The following NWD2 variants were observed in gnomAD, a reference collection of about 807,000 sequenced individuals.
NWD2 encodes NACHT and WD repeat domain-containing protein 2.
Under a neutral mutation model 132.7 loss-of-function variants are expected in NWD2, and 37 were observed. The observed-to-expected ratio is 0.28, with a 90% CI of 0.21 to 0.37. The LOEUF (loss-of-function observed/expected upper bound fraction) is 0.37. Among genes scored for constraint, NWD2 ranks in the 10% least tolerant of loss-of-function variants. The probability of loss-of-function intolerance (pLI) is 1.00; values close to 1 mark genes in which losing one functional copy is unlikely to be tolerated. For missense variants in NWD2, 1,592 were observed against 2,122.4 expected, an observed-to-expected ratio of 0.75 and a Z score of 4.91; for synonymous variants, 705 against 803.0, an observed-to-expected ratio of 0.88 and a Z score of 2.06.
chr4:37,445,439 T>G lies in NWD2; in HGVS notation c.3451T>G (p.Leu1151Val). 6.4e-7 allele frequency: 1 copy of G among 1,551,880 alleles called. No homozygotes were observed. The highest frequency in any genetic ancestry group is 8.7e-7 in the Non-Finnish European group (1 of 1,147,030). The change falls in exon 7 of 7, where the codon TTG becomes GTG. Residue 1151 changes from leucine to valine, a missense_variant. Physicochemically the swap from Leu to Val is conservative, Grantham distance 32 (BLOSUM62 1). Around this residue, in one of 7 missense-constraint regions of NWD2, gnomAD observed 1,071 missense variants for 1,398.0 expected, o/e 0.77. Transcript: ENST00000309447. This position sits in a 1 kb window ranked among gnomAD's most constrained non-coding sequence, Gnocchi z 4.7. Reference protein sequence around the residue: ...SGGFVKFLLILDTAQEMVMVD... With the variant: ...SGGFVKFLLIVDTAQEMVMVD... ...TGGATTTGTGAAGTTTCTTCTTATC[T>G]TGGACACAGCTCAGGAAATGGTCAT...
chr4:37,437,843 A>G (rs1183873828), intron 5 of NWD2, among the ~76,000 whole-genome samples: 1 of 152,222 alleles, frequency 6.6e-6, no homozygotes, highest in African/African-American at 2.4e-5. Flanking sequence ...AATACGGTAT[A>G]TGTTAGAAGA....
At chr4:37,379,793 C>A (rs1720416869) in intron 3 of NWD2, among the ~76,000 whole-genome samples, 1 of 152,172 alleles carries the variant, frequency 6.6e-6, no homozygotes, top group East Asian at 1.9e-4. Flanking sequence ...TAGTAGGGGA[C>A]AGATGGGCAC....
chr4:37,439,081 C>T lies in NWD2; in HGVS notation c.987C>T (p.Gly329=). The T allele has an allele frequency of 6.4e-7, 1 of 1,551,762 alleles. No homozygotes were observed. The highest frequency in any genetic ancestry group is 8.7e-7 in the Non-Finnish European group (1 of 1,146,996). Residue 329 remains glycine, a synonymous_variant, in exon 6 of 7, where the codon GGC becomes GGT. Transcript: ENST00000309447. The surrounding 1 kb of genome is among the most constrained non-coding windows in gnomAD (Gnocchi z 4.5). ...TSVTHCDMKL[G]YSQEIENHYI... is the part of the protein sequence containing the mutation. ...TTACTCATTGTGACATGAAACTAGG[C>T]TACTCCCAAGAAATAGAAAATCATT...
In NWD2 at chr4:37,444,329, T is replaced by C; in HGVS notation, c.2341T>C (p.Tyr781His). 1 of 1,551,894 alleles carries C rather than the reference T, an allele frequency of 6.4e-7. No individual in the cohort carries two copies. Among genetic ancestry groups the C allele is most frequent in the Non-Finnish European group, 8.7e-7 (1 of 1,147,036 alleles). ...GAAAGCCTTCTGCCTTGAGGACCCC[T>C]ACTTGAATGGCTGCCTTGACTTGGA... The part of the protein sequence containing the change: ...RRKAFCLEDP[Y>H]LNGCLDLENR... The change falls in exon 7 of 7, where the codon TAC becomes CAC. Residue 781 changes from tyrosine (Y) to histidine (H), a missense_variant. Tyr to His is a moderately conservative substitution (Grantham distance 83). Coordinates refer to ENST00000309447, the MANE Select transcript of NWD2 (RefSeq NM_001144990.2). This position sits in a 1 kb window ranked among gnomAD's most constrained non-coding sequence, Gnocchi z 4.8.
intron 3 of NWD2, among the ~76,000 whole-genome samples, chr4:37,360,607 A>G (rs1479816405): frequency 1.3e-5 from 2 of 152,202 alleles, no homozygotes; most frequent in Non-Finnish European, 2.9e-5. Context: ...AATCATCTTC[A>G]TCACCTTTTA....
Position 37,444,624 on chromosome 4 carries a change from T to A in NWD2, c.2636T>A (p.Leu879Gln). Reference sequence around the variant, plus strand: ...GACAAAGTGCTTTCAGACATTGAGCTGGCTTACAACTACTCGCAAGAGAAG... The same window carrying A: ...GACAAAGTGCTTTCAGACATTGAGCAGGCTTACAACTACTCGCAAGAGAAG... ...QFDKVLSDIE[L>Q]AYNYSQEKEL... The change falls in exon 7 of 7, where the codon CTG becomes CAG. Residue 879 changes from leucine (L) to glutamine (Q), a missense_variant. Coordinates refer to ENST00000309447, the MANE Select transcript of NWD2 (RefSeq NM_001144990.2). The surrounding 1 kb of genome is among the most constrained non-coding windows in gnomAD (Gnocchi z 4.8). 2 of 1,552,176 alleles carry A rather than the reference T, an allele frequency of 1.3e-6. No homozygotes were observed. Among genetic ancestry groups the A allele is most frequent in the Non-Finnish European group, 1.7e-6 (2 of 1,147,100 alleles).
chr4:37,388,340 T>C (rs1218158879), intron 3 of NWD2, among the ~76,000 whole-genome samples: 1 of 151,926 alleles, frequency 6.6e-6, no homozygotes, highest in Non-Finnish European at 1.5e-5. Context: ...TAAGCCACCA[T>C]GCCTGGCTAA....
intron 3 of NWD2, among the ~76,000 whole-genome samples, chr4:37,371,461 C>T (rs866026460): frequency 5.1e-4 from 78 of 152,260 alleles, no homozygotes; most frequent in African/African-American, 1.8e-3. Context: ...ATGGCTAAAT[C>T]TATTAAACAG....
chr4:37,249,658 C>T (rs1717313325), intron 1 of NWD2, among the ~76,000 whole-genome samples: 1 of 152,152 alleles, frequency 6.6e-6, no homozygotes, highest in Non-Finnish European at 1.5e-5. Flanking sequence ...AGTGCATTGC[C>T]CTCTGCATGC....
Position 37,422,940 on chromosome 4 carries a change from A to T in NWD2, c.358-7632A>T, listed in dbSNP as rs180755855. On this transcript the variant is annotated intron_variant, in intron 3 of 6. Coordinates refer to ENST00000309447, the MANE Select transcript of NWD2 (RefSeq NM_001144990.2). Reference sequence around the variant, plus strand: ...CCTATTTCAGAGACTCATATTCGTAATATGTGAAACACAGGCTCACTGTGT... The same window carrying T: ...CCTATTTCAGAGACTCATATTCGTATTATGTGAAACACAGGCTCACTGTGT... 2.0e-3 allele frequency among the ~76,000 whole-genome samples: 306 copies of T among 152,284 alleles called. 1 individual carries two copies. The Middle Eastern group carries it at 0.027, about 14-fold the overall frequency.
Position 37,445,054 on chromosome 4 carries a change from G to A in NWD2, c.3066G>A (p.Lys1022=). Residue 1022 remains lysine (K), a synonymous_variant, in exon 7 of 7, where the codon AAG becomes AAA. Transcript: ENST00000309447. The surrounding 1 kb of genome is among the most constrained non-coding windows in gnomAD (Gnocchi z 4.7). Reference sequence around the variant, plus strand: ...GCATGAAACTCACCAGTGATGAAAAGTACCTTGTGGTGGCTACAACAAATA... The same window carrying A: ...GCATGAAACTCACCAGTGATGAAAAATACCTTGTGGTGGCTACAACAAATA... ...ILGMKLTSDE[K]YLVVATTNNT... is the part of the protein sequence containing the mutation. The A allele has an allele frequency of 6.4e-7, 1 of 1,551,882 alleles. No homozygotes were observed. Among genetic ancestry groups the A allele is most frequent in the Non-Finnish European group, 8.7e-7 (1 of 1,147,038 alleles).
intron 3 of NWD2, among the ~76,000 whole-genome samples, chr4:37,410,146 A>G (rs890541223): frequency 3.9e-5 from 6 of 152,186 alleles, no homozygotes; most frequent in Admixed American, 3.9e-4. Context: ...GATCAAATTC[A>G]CACATAATAT....
At chr4:37,318,959 T>C (rs1315916041) in intron 1 of NWD2, among the ~76,000 whole-genome samples, 1 of 152,228 alleles carries the variant, frequency 6.6e-6, no homozygotes, top group Non-Finnish European at 1.5e-5. Flanking sequence ...TCTGTATTTT[T>C]GGTAGAATGA....
At chr4:37,304,846 G>A (rs1482052791) in intron 1 of NWD2, among the ~76,000 whole-genome samples, 1 of 152,162 alleles carries the variant, frequency 6.6e-6, no homozygotes. Flanking sequence ...AATTCTGGGG[G>A]CTGGAGGATG....
chr4:37,257,824 T>C (rs1264842098), intron 1 of NWD2, among the ~76,000 whole-genome samples: 8 of 152,150 alleles, frequency 5.3e-5, no homozygotes, highest in Non-Finnish European at 1.0e-4. Context: ...CTCTAAATAA[T>C]AGAGCAGAAA....
chr4:37,434,342 G>A (rs868700482), intron 5 of NWD2, among the ~76,000 whole-genome samples: 26 of 152,216 alleles, frequency 1.7e-4, no homozygotes, highest in African/African-American at 6.3e-4. Context: ...AAATATTAAT[G>A]GATCTATTGA....
At chr4:37,404,841 T>G (rs550435211) in intron 3 of NWD2, among the ~76,000 whole-genome samples, 1 of 152,092 alleles carries the variant, frequency 6.6e-6, no homozygotes, top group Admixed American at 6.5e-5. Context: ...GAGGGGAAGG[T>G]GCTACACACT....
intron 2 of NWD2, among the ~76,000 whole-genome samples, chr4:37,336,800 G>A (rs7699916): frequency 0.15 from 22,694 of 151,640 alleles, 1,777 homozygotes; most frequent in South Asian, 0.23. Context: ...TTAGCCAGGC[G>A]TGCTGGTGGG....
At chr4:37,437,368 C>G (rs745476125) in intron 5 of NWD2, among the ~76,000 whole-genome samples, 1 of 152,122 alleles carries the variant, frequency 6.6e-6, no homozygotes, top group Non-Finnish European at 1.5e-5. Context: ...TATATGAACA[C>G]GACTTTCATT....
Sources: gnomAD v4.1 joint callset for allele counts (sites outside exome capture counted in the v4.1 genomes callset) on GRCh38, gnomAD v4.1.1 for gene constraint, gnomAD v4.1.1 regional missense constraint, Gnocchi (gnomAD v3.1) non-coding constraint, MANE v1.5 for transcripts, NCBI Gene and HGNC (gene_info 2026-07-23, HGNC 2026-07-21) for gene names.